The following SLC25A26 variants were observed in gnomAD, a reference collection of about 807,000 sequenced individuals.
SLC25A26 encodes the protein solute carrier family 25 member 26.
In SLC25A26, 36 loss-of-function variants were observed where a neutral mutation model predicts 37.8. The observed-to-expected ratio is 0.95, with a 90% CI of 0.73 to 1.26. The LOEUF (loss-of-function observed/expected upper bound fraction) is 1.26, where lower values mean the gene tolerates loss of function less well. Among genes scored for constraint, SLC25A26 ranks in the 50% most tolerant of loss-of-function variants. SLC25A26 has a pLI of 0.00. For synonymous variants in SLC25A26, 129 were observed against 122.5 expected, an observed-to-expected ratio of 1.05 and a Z score of -0.35; for missense variants, 390 against 331.1, an observed-to-expected ratio of 1.18 and a Z score of -1.38.
At chr3:66,377,643 T>C in intron 9 of SLC25A26, 47 bp from the exon 10 acceptor site, 1 of 1,485,614 alleles carries the variant, frequency 6.7e-7, no homozygotes, top group Non-Finnish European at 9.4e-7. Flanking sequence ...GAATTTAACC[T>C]TTTTTTAAAA....
At chr3:66,236,500 G>T in intron 1 of SLC25A26, 44 bp from the exon 2 acceptor site, 1 of 1,418,926 alleles carries the variant, frequency 7.0e-7, no homozygotes, top group Non-Finnish European at 9.3e-7. Context: ...TTATTTTGTT[G>T]TAACCTTTTT....
rs116558219 is a variant in SLC25A26 at position 66,348,381 on chromosome 3, T to C, written c.498+1973T>C. Reference sequence around the variant, plus strand: ...AATGTTATGCATGCGTGCACACACATATGTATCTAGGTTGCAATGTAAAAT... The same window carrying C: ...AATGTTATGCATGCGTGCACACACACATGTATCTAGGTTGCAATGTAAAAT... On this transcript the variant is annotated intron_variant, in intron 6 of 9. Coordinates refer to ENST00000354883, the MANE Select transcript of SLC25A26 (RefSeq NM_001379210.1). 2.6e-3 allele frequency among the ~76,000 whole-genome samples: 403 copies of C among 152,318 alleles called. 2 individuals are homozygous for C. The highest frequency in any genetic ancestry group is 9.0e-3 in the African/African-American group (374 of 41,560).
intron 1 of SLC25A26, among the ~76,000 whole-genome samples, chr3:66,175,400 T>G (rs1352400119): frequency 1.3e-5 from 2 of 151,856 alleles, no homozygotes; most frequent in Non-Finnish European, 2.9e-5. Context: ...AATTTTTGTA[T>G]TTTTGGTAGA....
chr3:66,148,432 C>T (rs1287254612), intron 1 of SLC25A26, among the ~76,000 whole-genome samples: 3 of 152,154 alleles, frequency 2.0e-5, no homozygotes, highest in African/African-American at 7.2e-5. Context: ...TTGGGGCTGA[C>T]AGGACCATGG....
rs1030478571 is a variant in SLC25A26, at chr3:66,193,935, A to G, written c.-353-26807A>G. ...TAATTCAATTTAGGATGATCATTAG[A>G]TGATCACCAGGATGGTCAACTGAGC... is the stretch of plus-strand genomic sequence containing the variant. On this transcript the variant is annotated intron_variant, in intron 1 of 10. Transcript: ENST00000676754. Among the ~76,000 whole-genome samples, 175 of 152,356 alleles carry G rather than the reference A, an allele frequency of 1.1e-3. 1 individual carries two copies. The highest frequency in any genetic ancestry group is 9.3e-3 in the South Asian group (45 of 4,832).
intron 9 of SLC25A26, among the ~76,000 whole-genome samples, chr3:66,377,356 G>A (rs968855951): frequency 6.6e-6 from 1 of 152,020 alleles, no homozygotes; most frequent in Admixed American, 6.6e-5. Context: ...TGGGTGGAGC[G>A]GCAGCATTGC....
chr3:66,352,421 G>GTTT lies in SLC25A26; in HGVS notation c.498+6017_498+6019dup, dbSNP rs1379958045. 1.4e-3 allele frequency among the ~76,000 whole-genome samples: 179 copies of GTTT among 126,506 alleles called. 13 individuals carry two copies. Among genetic ancestry groups the GTTT allele is most frequent in the African/African-American group, 6.4e-3 (172 of 26,910 alleles). The allele number at this position is 126,506 out of a possible 152,430, so 83.0% of individuals were successfully genotyped here. On this transcript the variant is annotated intron_variant, in intron 6 of 9. Transcript: ENST00000354883. ...GTGCTGCTGCCTAGCGCCTCCCCTC[G>GTTT]TTTTTTGTTTTTTGTTTTTTGTTTT... is the stretch of plus-strand genomic sequence containing the variant.
chr3:66,205,435 G>T (rs1272935406), intron 1 of SLC25A26, among the ~76,000 whole-genome samples: 1 of 152,294 alleles, frequency 6.6e-6, no homozygotes, highest in South Asian at 2.1e-4. Flanking sequence ...GGTGCTTGCA[G>T]GTAATTGACT....
At chr3:66,311,440 T>C (rs576773370) in intron 5 of SLC25A26, among the ~76,000 whole-genome samples, 21 of 152,186 alleles carry the variant, frequency 1.4e-4, no homozygotes, top group Non-Finnish European at 2.4e-4. Context: ...TAGAACATGC[T>C]CCTTTAGCTC....
intron 3 of SLC25A26, among the ~76,000 whole-genome samples, chr3:66,251,482 A>G (rs13076104): frequency 0.22 from 32,929 of 152,124 alleles, 3,941 homozygotes; most frequent in Admixed American, 0.28. Flanking sequence ...GAATTCTCCA[A>G]TGGAGTCTAC....
chr3:66,178,269 T>C (rs998304299), intron 1 of SLC25A26, among the ~76,000 whole-genome samples: 7 of 152,146 alleles, frequency 4.6e-5, no homozygotes, highest in South Asian at 2.1e-4. Context: ...TGTGTTTCTT[T>C]CCTGTTTTCC....
intron 9 of SLC25A26, among the ~76,000 whole-genome samples, chr3:66,371,981 C>T (rs958328227): frequency 2.0e-5 from 3 of 152,088 alleles, no homozygotes; most frequent in Non-Finnish European, 2.9e-5. Flanking sequence ...CACCTGTAGT[C>T]GCAGCTACTC....
At chr3:66,153,229 A>C (rs1403152794) in intron 1 of SLC25A26, among the ~76,000 whole-genome samples, 2 of 152,320 alleles carry the variant, frequency 1.3e-5, no homozygotes, top group East Asian at 3.9e-4. Context: ...AATGCACAGA[A>C]AAATCTCTTT....
intron 3 of SLC25A26, among the ~76,000 whole-genome samples, chr3:66,243,685 T>A (rs2072694124): frequency 6.6e-6 from 1 of 152,204 alleles, no homozygotes; most frequent in Admixed American, 6.5e-5. Context: ...TAGTTTCAGT[T>A]TGGGTCAGCC....
chr3:66,204,963 G>A (rs1308878410), intron 1 of SLC25A26, among the ~76,000 whole-genome samples: 1 of 152,212 alleles, frequency 6.6e-6, no homozygotes, highest in Non-Finnish European at 1.5e-5. Flanking sequence ...GGGGCTCTGA[G>A]ATGGAAACGT....
intron 7 of SLC25A26, among the ~76,000 whole-genome samples, chr3:66,366,043 C>T (rs1460731507): frequency 6.6e-6 from 1 of 152,190 alleles, no homozygotes; most frequent in Admixed American, 6.5e-5. Flanking sequence ...AGGGAATCTG[C>T]ATTTGTTCCC....
Position 66,354,536 on chromosome 3 carries a change from T to C in SLC25A26, c.498+8128T>C, listed in dbSNP as rs569195287. Among the ~76,000 whole-genome samples, 112 of 152,336 alleles carry C rather than the reference T, an allele frequency of 7.4e-4. 2 individuals carry two copies. The highest frequency in any genetic ancestry group is 2.6e-3 in the African/African-American group (109 of 41,574). On this transcript the variant is annotated intron_variant, in intron 6 of 9. Transcript: ENST00000354883. ...GCAGTACTACATAAAAGCTATGTTT[T>C]CAAGTTCAAGAATAAATAGCATTTT...
At chr3:66,245,250 T>TTA (rs1312354409) in intron 3 of SLC25A26, among the ~76,000 whole-genome samples, 2 of 135,828 alleles carry the variant, frequency 1.5e-5, no homozygotes, top group African/African-American at 2.7e-5. Flanking sequence ...CAGTTATGAT[T>TTA]AAAAAAAAAA....
At chr3:66,279,566 T>G (rs1447838821) in intron 5 of SLC25A26, among the ~76,000 whole-genome samples, 3 of 152,210 alleles carry the variant, frequency 2.0e-5, no homozygotes, top group Non-Finnish European at 4.4e-5. Flanking sequence ...TGCCTATTAT[T>G]TTACAAATAT....
Sources: allele counts gnomAD v4.1 joint callset (sites outside exome capture counted in the v4.1 genomes callset), GRCh38; gene constraint gnomAD v4.1.1; transcripts MANE v1.5; gene names NCBI Gene and HGNC (gene_info 2026-07-23, HGNC 2026-07-21).